The following ACTR3C variants were observed in gnomAD, a reference collection of about 807,000 sequenced individuals.
ACTR3C encodes actin-related protein 3C.
ACTR3C carries 18 observed loss-of-function variants against 26.3 expected under a neutral mutation model. The ratio of observed to expected loss-of-function variants is 0.68; its 90% CI spans 0.47 to 1.01. ACTR3C has a LOEUF of 1.01. Ranked by LOEUF, ACTR3C falls within the 50% of genes least tolerant of loss-of-function variation. The probability of loss-of-function intolerance (pLI) is 0.00; values close to 1 mark genes in which losing one functional copy is unlikely to be tolerated. For synonymous variants in ACTR3C, 55 were observed against 94.5 expected, an observed-to-expected ratio of 0.58 and a Z score of 2.42; for missense variants, 184 against 250.7, an observed-to-expected ratio of 0.73 and a Z score of 1.80.
the ACTR3C span, among the ~76,000 whole-genome samples, chr7:150,139,919 A>G: frequency 1.3e-5 from 2 of 152,214 alleles, no homozygotes; most frequent in African/African-American, 4.8e-5. Context: ...GGAGCAATCA[A>G]CTCATTGTCC....
At chr7:150,252,058 G>T (rs1296741745) in intron 6 of ACTR3C, among the ~76,000 whole-genome samples, 8 of 151,966 alleles carry the variant, frequency 5.3e-5, no homozygotes, top group African/African-American at 1.9e-4. Context: ...CTTTTTAAGC[G>T]CTTTAACTTC....
chr7:150,151,056 A>AAATAC, the ACTR3C span, among the ~76,000 whole-genome samples: 1 of 100,998 alleles, frequency 9.9e-6, no homozygotes, highest in African/African-American at 3.8e-5. Context: ...GTAAAACTAT[A>AAATAC]TTTTCCTTCT....
intron 6 of ACTR3C, chr7:150,264,754 G>A (rs376111218): frequency 0.093 from 85,955 of 925,734 alleles, 1,369 homozygotes; most frequent in South Asian, 0.15. Context: ...CAACCAGGTC[G>A]ACCACTGTAT....
At chr7:150,161,486 T>C in the ACTR3C span, among the ~76,000 whole-genome samples, 1 of 151,876 alleles carries the variant, frequency 6.6e-6, no homozygotes, top group East Asian at 1.9e-4. Flanking sequence ...GTCCTTGCGG[T>C]AGTTTGCTGA....
At chr7:150,035,401 GAT>G in the ACTR3C span, among the ~76,000 whole-genome samples, 2 of 38,284 alleles carry the variant, frequency 5.2e-5, 1 homozygote, top group Non-Finnish European at 1.1e-4. Flanking sequence ...GGGGTCCTAA[GAT>G]CCAGGGGGGG....
chr7:149,928,405 A>G, the ACTR3C span, among the ~76,000 whole-genome samples: 7 of 129,192 alleles, frequency 5.4e-5, no homozygotes, highest in African/African-American at 2.0e-4. Flanking sequence ...TTTTTTTAGT[A>G]GAGACGGGGT....
At chr7:150,133,551 C>T in the ACTR3C span, among the ~76,000 whole-genome samples, 2 of 152,020 alleles carry the variant, frequency 1.3e-5, no homozygotes, top group Admixed American at 1.3e-4. Flanking sequence ...ATGCATTGGA[C>T]CTGGAATATG....
the ACTR3C span, among the ~76,000 whole-genome samples, chr7:150,024,085 G>C: frequency 3.3e-5 from 5 of 151,084 alleles, no homozygotes; most frequent in Admixed American, 6.6e-5. Flanking sequence ...CCATGACGGT[G>C]CCTGAAAGCA....
At chr7:150,182,090 T>C in the ACTR3C span, among the ~76,000 whole-genome samples, 37,373 of 150,254 alleles carry the variant, frequency 0.25, 5,469 homozygotes, top group South Asian at 0.39. Context: ...TCTTTCCTCC[T>C]TACTAAGTGT....
the ACTR3C span, among the ~76,000 whole-genome samples, chr7:150,048,349 C>T: frequency 2.0e-5 from 3 of 152,068 alleles, no homozygotes; most frequent in African/African-American, 7.2e-5. Context: ...TCCCCACCGG[C>T]CTCCTCCCCG....
intron 1 of ACTR3C, among the ~76,000 whole-genome samples, chr7:150,296,956 G>A (rs1297763040): frequency 6.6e-6 from 1 of 151,784 alleles, no homozygotes; most frequent in African/African-American, 2.4e-5. Flanking sequence ...AGCCAACCCC[G>A]ACGGCACCTC....
At chr7:150,227,689 T>G in the ACTR3C span, among the ~76,000 whole-genome samples, 22 of 124,526 alleles carry the variant, frequency 1.8e-4, no homozygotes, top group Admixed American at 1.5e-3. Context: ...TGTGTCTGGG[T>G]TTTTTTTTTT....
At chr7:150,236,269 G>A in the ACTR3C span, among the ~76,000 whole-genome samples, 4 of 152,298 alleles carry the variant, frequency 2.6e-5, no homozygotes, top group East Asian at 7.7e-4. Context: ...GTTTTCCTAT[G>A]ATGAACACCT....
chr7:150,142,578 G>A, the ACTR3C span, among the ~76,000 whole-genome samples: 1 of 152,162 alleles, frequency 6.6e-6, no homozygotes, highest in African/African-American at 2.4e-5. Flanking sequence ...GCCCAGGCTG[G>A]AGCGCAGTGG....
the ACTR3C span, among the ~76,000 whole-genome samples, chr7:149,894,851 A>T: frequency 6.6e-6 from 1 of 152,008 alleles, no homozygotes; most frequent in Non-Finnish European, 1.5e-5. Flanking sequence ...AATTAAAAAT[A>T]GAACTACCAT....
the ACTR3C span, chr7:149,891,320 G>C: frequency 1.5e-5 from 13 of 839,916 alleles, no homozygotes; most frequent in Non-Finnish European, 2.4e-5. Context: ...AGAGACACCA[G>C]AGTTGTCAAG....
the ACTR3C span, among the ~76,000 whole-genome samples, chr7:149,995,484 AC>A: frequency 1.3e-5 from 2 of 152,240 alleles, no homozygotes; most frequent in Non-Finnish European, 2.9e-5. Flanking sequence ...CTAGCTGGAT[AC>A]TCGCACAGTA....
the ACTR3C span, chr7:150,040,472 C>T: frequency 6.7e-6 from 1 of 148,340 alleles, no homozygotes; most frequent in Non-Finnish European, 1.5e-5. Context: ...CCCTTTGTGA[C>T]CTCATACAAA....
At chr7:150,148,338 G>T in the ACTR3C span, among the ~76,000 whole-genome samples, 5 of 152,126 alleles carry the variant, frequency 3.3e-5, no homozygotes, top group Admixed American at 3.3e-4. Flanking sequence ...TTAGCCAGGC[G>T]TGGTGGCATG....
Sources: allele counts gnomAD v4.1 joint callset (sites outside exome capture counted in the v4.1 genomes callset), GRCh38; gene constraint gnomAD v4.1.1; transcripts MANE v1.5; gene names NCBI Gene and HGNC (gene_info 2026-07-23, HGNC 2026-07-21).